Variants in BTBD9 observed in about 807,000 individuals in gnomAD.
The protein encoded by BTBD9 is BTB domain containing 9, also known as BTB/POZ domain-containing protein 9.
Under a neutral mutation model 64.3 loss-of-function variants are expected in BTBD9, and 49 were observed. That is an observed-to-expected ratio of 0.76 (90% confidence interval 0.61 to 0.97). The LOEUF is 0.97. BTBD9 is among the 50% of genes least tolerant of loss of function. The pLI is 0.00. For missense variants in BTBD9, 598 were observed against 762.1 expected (o/e 0.78, Z 2.53); for synonymous variants, 260 against 274.7 (o/e 0.95, Z 0.53).
intron 6 of BTBD9, among the ~76,000 whole-genome samples, chr6:38,450,714 A>C (rs910168718): frequency 1.3e-5 from 2 of 152,194 alleles, no homozygotes; most frequent in Non-Finnish European, 2.9e-5. Context: ...TTAACCATCG[A>C]CTTATAAAAA....
intron 6 of BTBD9, among the ~76,000 whole-genome samples, chr6:38,506,027 T>C (rs567550404): frequency 1.4e-5 from 2 of 146,412 alleles, no homozygotes; most frequent in East Asian, 4.1e-4. Flanking sequence ...CAAATTGTGC[T>C]GCAACTCTGG....
At chr6:38,200,212 G>A (rs761118583) in intron 9 of BTBD9, among the ~76,000 whole-genome samples, 17 of 152,174 alleles carry the variant, frequency 1.1e-4, no homozygotes, top group Non-Finnish European at 1.9e-4. Context: ...CCCTCTCCAG[G>A]GAAACAAATG....
chr6:38,533,307 A>G (rs1051471979), intron 6 of BTBD9, among the ~76,000 whole-genome samples: 2 of 152,196 alleles, frequency 1.3e-5, no homozygotes, highest in African/African-American at 4.8e-5. Context: ...AAACTATAAG[A>G]AGACACAAAG....
intron 6 of BTBD9, among the ~76,000 whole-genome samples, chr6:38,533,388 A>C (rs1465283078): frequency 6.6e-6 from 1 of 152,218 alleles, no homozygotes; most frequent in African/African-American, 2.4e-5. Flanking sequence ...TTTGCACCCA[A>C]CACTGGAGCA....
At chr6:38,526,618 A>G (rs2127424876) in intron 6 of BTBD9, among the ~76,000 whole-genome samples, 1 of 152,346 alleles carries the variant, frequency 6.6e-6, no homozygotes, top group Middle Eastern at 3.4e-3. Context: ...GGAGCTGTCC[A>G]AGACTGTGGG....
chr6:38,469,173 C>T (rs1770522894), intron 6 of BTBD9, among the ~76,000 whole-genome samples: 1 of 152,024 alleles, frequency 6.6e-6, no homozygotes, highest in Non-Finnish European at 1.5e-5. Flanking sequence ...GATGGCCTAC[C>T]TCACCATATT....
intron 7 of BTBD9, among the ~76,000 whole-genome samples, chr6:38,310,377 A>G (rs1582207852): frequency 6.6e-6 from 1 of 152,088 alleles, no homozygotes; most frequent in African/African-American, 2.4e-5. Flanking sequence ...AAGTCTTCCA[A>G]ATCACCTGGA....
At chr6:38,363,050 C>T (rs1241839290) in intron 6 of BTBD9, among the ~76,000 whole-genome samples, 1 of 152,088 alleles carries the variant, frequency 6.6e-6, no homozygotes, top group Non-Finnish European at 1.5e-5. Context: ...ATATTGCCTG[C>T]TTTCATGGAA....
At chr6:38,266,829 A>C (rs1342191642) in intron 8 of BTBD9, among the ~76,000 whole-genome samples, 2 of 152,252 alleles carry the variant, frequency 1.3e-5, no homozygotes, top group African/African-American at 2.4e-5. Context: ...TGTTGGCATC[A>C]AAAATATTGG....
intron 7 of BTBD9, among the ~76,000 whole-genome samples, chr6:38,341,944 A>G (rs1764119152): frequency 6.6e-6 from 1 of 152,230 alleles, no homozygotes; most frequent in Non-Finnish European, 1.5e-5. Context: ...AAAGCCTCCC[A>G]TGAGTCTGTG....
chr6:38,441,543 G>A (rs1769034776), intron 6 of BTBD9, among the ~76,000 whole-genome samples: 4 of 151,990 alleles, frequency 2.6e-5, no homozygotes, highest in African/African-American at 9.7e-5. Context: ...TTCGGGAGTA[G>A]CTAGGACTAC....
chr6:38,287,732 A>G (rs908469622), intron 8 of BTBD9, among the ~76,000 whole-genome samples: 5 of 152,234 alleles, frequency 3.3e-5, no homozygotes, highest in Admixed American at 3.3e-4. Context: ...TAAGCAATGC[A>G]TGACTGTATA....
intron 6 of BTBD9, among the ~76,000 whole-genome samples, chr6:38,495,857 C>T (rs1771933811): frequency 1.3e-5 from 2 of 152,242 alleles, no homozygotes; most frequent in Non-Finnish European, 2.9e-5. Flanking sequence ...ATAAGAATGT[C>T]TTACTTATCC....
chr6:38,257,876 G>A (rs1249452527), intron 8 of BTBD9, among the ~76,000 whole-genome samples: 1 of 151,888 alleles, frequency 6.6e-6, no homozygotes, highest in Non-Finnish European at 1.5e-5. Context: ...TGCTATTTTT[G>A]ATCTGAGTGG....
intron 6 of BTBD9, among the ~76,000 whole-genome samples, chr6:38,391,365 A>G (rs900616851): frequency 6.6e-6 from 1 of 152,228 alleles, no homozygotes; most frequent in Non-Finnish European, 1.5e-5. Flanking sequence ...CACAGTACCC[A>G]TTACATGATA....
intron 6 of BTBD9, among the ~76,000 whole-genome samples, chr6:38,401,318 T>C (rs920152772): frequency 2.6e-5 from 4 of 152,234 alleles, no homozygotes; most frequent in Admixed American, 2.6e-4. Context: ...CCTTCTGCCA[T>C]AATTGTAAGT....
rs140302902 is a variant in BTBD9, at chr6:38,491,484, G to C, written c.1154+86116C>G. 5.4e-3 allele frequency among the ~76,000 whole-genome samples: 826 copies of C among 152,216 alleles called. 11 individuals carry two copies. Among genetic ancestry groups the C allele is most frequent in the African/African-American group, 0.018 (767 of 41,532 alleles). The stretch of plus-strand genomic sequence containing the variant: ...AATTATTTTTTCTTGCATAAATTAA[G>C]TAATAACACCTGTTTTCTTCACTTT... On this transcript the variant is annotated intron_variant, in intron 6 of 10. Transcript: ENST00000481247.
At chr6:38,444,606 T>C (rs1188972317) in intron 6 of BTBD9, among the ~76,000 whole-genome samples, 1 of 152,200 alleles carries the variant, frequency 6.6e-6, no homozygotes, top group Non-Finnish European at 1.5e-5. Context: ...AATTATGTGA[T>C]TTTGGGCTTC....
intron 9 of BTBD9, among the ~76,000 whole-genome samples, chr6:38,208,775 C>T (rs918000085): frequency 2.0e-5 from 3 of 152,158 alleles, no homozygotes; most frequent in Admixed American, 6.5e-5. Flanking sequence ...ATTCTGGGTT[C>T]GTTCCATTCA....
Sources: gnomAD v4.1 joint callset for allele counts (sites outside exome capture counted in the v4.1 genomes callset) on GRCh38, gnomAD v4.1.1 for gene constraint, MANE v1.5 for transcripts, NCBI Gene and HGNC (gene_info 2026-07-23, HGNC 2026-07-21) for gene names.